Variants in ZMYND8 observed in about 807,000 individuals in gnomAD.
ZMYND8 encodes MYND-type zinc finger-containing chromatin reader ZMYND8.
ZMYND8 carries 37 observed loss-of-function variants against 140.8 expected under a neutral mutation model. The observed-to-expected ratio is 0.26, with a 90% confidence interval of 0.20 to 0.35. The LOEUF is 0.35. Among genes scored for constraint, ZMYND8 ranks in the 10% least tolerant of loss-of-function variants. The probability of loss-of-function intolerance (pLI) is 1.00; values close to 1 mark genes in which losing one functional copy is unlikely to be tolerated. For synonymous variants in ZMYND8, 592 were observed against 597.1 expected (o/e 0.99, Z 0.12); for missense variants, 1,068 against 1,570.0 (o/e 0.68, Z 5.40).
At chr20:47,241,132 A>G (rs2039915139) in intron 14 of ZMYND8, among the ~76,000 whole-genome samples, 1 of 151,686 alleles carries the variant, frequency 6.6e-6, no homozygotes, top group South Asian at 2.1e-4. Context: ...CATCTCTACT[A>G]AAGATACAAA....
intron 10 of ZMYND8, among the ~76,000 whole-genome samples, chr20:47,278,809 G>T (rs1217591845): frequency 1.3e-5 from 2 of 152,118 alleles, no homozygotes; most frequent in Admixed American, 1.3e-4. Flanking sequence ...GTAAGAGTTT[G>T]CCTCACGGTG....
chr20:47,214,647 C>T (rs974664593), intron 21 of ZMYND8, among the ~76,000 whole-genome samples: 62 of 152,256 alleles, frequency 4.1e-4, no homozygotes, highest in African/African-American at 1.4e-3. Flanking sequence ...GGGTGTGTCA[C>T]CACGCCTAGC....
intron 6 of ZMYND8, among the ~76,000 whole-genome samples, chr20:47,291,277 G>A (rs1434055915): frequency 1.3e-5 from 2 of 152,208 alleles, no homozygotes; most frequent in African/African-American, 4.8e-5. Context: ...AGAATAATGT[G>A]CACAATCTAC....
At chr20:47,330,586 TTA>T (rs1278682777) in intron 2 of ZMYND8, among the ~76,000 whole-genome samples, 1 of 151,974 alleles carries the variant, frequency 6.6e-6, no homozygotes, top group African/African-American at 2.4e-5. Context: ...CCATTAGAAG[TTA>T]TACTAATATG....
chr20:47,229,785 T>A lies in ZMYND8; in HGVS notation c.2878A>T (p.Thr960Ser). ...TSKMMDAIKG[T>S]MTEIYNDLSK... Reference sequence around the variant, plus strand: ...AGATCGTTGTATATTTCTGTCATTGTTCCTTTTATTGCATCCATCATCTGA... The same window carrying A: ...AGATCGTTGTATATTTCTGTCATTGATCCTTTTATTGCATCCATCATCTGA... Residue 960 changes from threonine (T) to serine (S), a missense_variant, in exon 17 of 23, where the codon ACA (threonine) becomes TCA (serine). Thr to Ser is a moderately conservative substitution (Grantham distance 58). Coordinates refer to ENST00000471951, the MANE Select transcript of ZMYND8 (RefSeq NM_001281775.3). The A allele has an allele frequency of 6.2e-7, 1 of 1,613,588 alleles. No individual in the cohort carries two copies. The highest frequency in any genetic ancestry group is 8.5e-7 in the Non-Finnish European group (1 of 1,179,758).
chr20:47,296,453 C>G (rs1220775411), intron 4 of ZMYND8, among the ~76,000 whole-genome samples: 1 of 152,120 alleles, frequency 6.6e-6, no homozygotes, highest in Non-Finnish European at 1.5e-5. Context: ...GAGACATCCT[C>G]CTTTTGGGAG....
chr20:47,255,060 T>C (rs1408462148), intron 12 of ZMYND8, among the ~76,000 whole-genome samples: 2 of 152,016 alleles, frequency 1.3e-5, no homozygotes, highest in African/African-American at 4.8e-5. Context: ...AGGCAAAGGT[T>C]GCGGAGAGCC....
intron 19 of ZMYND8, among the ~76,000 whole-genome samples, chr20:47,223,460 G>T (rs1018394126): frequency 6.6e-6 from 1 of 151,878 alleles, no homozygotes; most frequent in Non-Finnish European, 1.5e-5. Context: ...AGCCGAGATC[G>T]TGTCACTGCA....
intron 2 of ZMYND8, among the ~76,000 whole-genome samples, chr20:47,316,104 G>A (rs1289303811): frequency 6.6e-6 from 1 of 151,768 alleles, no homozygotes; most frequent in South Asian, 2.1e-4. Flanking sequence ...AGGCCAAGGT[G>A]GGCAGATCAC....
At chr20:47,255,347 T>A (rs952487710) in intron 12 of ZMYND8, among the ~76,000 whole-genome samples, 1 of 151,908 alleles carries the variant, frequency 6.6e-6, no homozygotes, top group Non-Finnish European at 1.5e-5. Flanking sequence ...TGTTACCATA[T>A]GTACTCATTA....
At position 47,293,971 on chromosome 20, in the gene ZMYND8, C is replaced by T. The variant is rs181029056; in HGVS notation, c.567+695G>A. Among the ~76,000 whole-genome samples the T allele has an allele frequency of 1.7e-3, 255 of 152,220 alleles. 1 individual carries two copies. The highest frequency in any genetic ancestry group is 5.8e-3 in the African/African-American group (240 of 41,554). The stretch of plus-strand genomic sequence containing the variant: ...CCCCTTCTCCTGCTGCCATGTAAAA[C>T]GTGCCTTGCTTCCCCTTCGCCTTCC... On this transcript the variant is annotated intron_variant, in intron 5 of 22. Transcript: ENST00000471951.
chr20:47,288,845 T>C (rs1214793832), intron 7 of ZMYND8, among the ~76,000 whole-genome samples: 1 of 152,222 alleles, frequency 6.6e-6, no homozygotes, highest in Admixed American at 6.5e-5. Flanking sequence ...CTAATGCCTG[T>C]AATCCCAACA....
chr20:47,239,049 C>G lies in ZMYND8; in HGVS notation c.2374G>C (p.Ala792Pro). Residue 792 changes from alanine to proline, a missense_variant, in exon 15 of 23, where the codon GCG (alanine) becomes CCG (proline). This residue lies in a region of ZMYND8 where 383 missense variants were observed against 431.2 expected (regional missense o/e 0.89). Coordinates refer to ENST00000471951, the MANE Select transcript of ZMYND8 (RefSeq NM_001281775.3). ...VLTRSSAQTS[A>P]AGATATTSTS... Reference sequence around the variant, plus strand: ...CTGGTGGTGGCTGTGGCGCCAGCCGCGGAAGTTTGGGCGGAAGAGCGGGTG... The same window carrying G: ...CTGGTGGTGGCTGTGGCGCCAGCCGGGGAAGTTTGGGCGGAAGAGCGGGTG... 1 of 1,577,104 alleles carries G rather than the reference C, an allele frequency of 6.3e-7. No homozygotes were observed.
At chr20:47,308,221 T>G (rs1399742853) in intron 3 of ZMYND8, among the ~76,000 whole-genome samples, 2 of 132,988 alleles carry the variant, frequency 1.5e-5, no homozygotes, top group Admixed American at 7.3e-5. Context: ...GACGTGAGGT[T>G]TTTTTTTTTT....
At chr20:47,253,405 C>T (rs915948328) in intron 12 of ZMYND8, among the ~76,000 whole-genome samples, 1 of 152,022 alleles carries the variant, frequency 6.6e-6, no homozygotes, top group Non-Finnish European at 1.5e-5. Context: ...GGCATGATGG[C>T]ACCTGCCTGT....
chr20:47,229,492 T>A (rs1468396771), intron 17 of ZMYND8, among the ~76,000 whole-genome samples: 1 of 152,196 alleles, frequency 6.6e-6, no homozygotes, highest in Admixed American at 6.5e-5. Flanking sequence ...AGCTCTGATT[T>A]TGGCTGTTTT....
intron 12 of ZMYND8, among the ~76,000 whole-genome samples, chr20:47,256,515 GA>G (rs2074739824): frequency 6.6e-6 from 1 of 152,122 alleles, no homozygotes; most frequent in South Asian, 2.1e-4. Flanking sequence ...AGCTACTTGG[GA>G]GGCTGAGGCA....
At chr20:47,244,175 A>C (rs774047545) in intron 14 of ZMYND8, among the ~76,000 whole-genome samples, 23 of 152,230 alleles carry the variant, frequency 1.5e-4, no homozygotes, top group Admixed American at 2.6e-4. Context: ...AGACAATGGA[A>C]ACCCCAAAGG....
intron 2 of ZMYND8, among the ~76,000 whole-genome samples, chr20:47,342,846 C>CAAA (rs1041501318): frequency 8.0e-5 from 6 of 75,004 alleles, no homozygotes; most frequent in African/African-American, 2.6e-4. Flanking sequence ...GACTACATCT[C>CAAA]AAAAAAAAAA....
Sources: allele counts gnomAD v4.1 joint callset (sites outside exome capture counted in the v4.1 genomes callset), GRCh38; gene constraint gnomAD v4.1.1; regional missense constraint gnomAD v4.1.1; transcripts MANE v1.5; gene names NCBI Gene and HGNC (gene_info 2026-07-23, HGNC 2026-07-21).